The following TNRC6B variants were observed in gnomAD, a reference collection of about 807,000 sequenced individuals.
TNRC6B encodes the protein trinucleotide repeat-containing gene 6B protein.
In TNRC6B, 52 loss-of-function variants were observed where a neutral mutation model predicts 203.6. The observed-to-expected ratio is 0.26, with a 90% CI of 0.20 to 0.32. The LOEUF is 0.32. TNRC6B is among the 10% of genes least tolerant of loss of function. The pLI, the probability that TNRC6B is intolerant of heterozygous loss-of-function variation, is 1.00. For synonymous variants in TNRC6B, 838 were observed against 845.7 expected (o/e 0.99, Z 0.16); for missense variants, 1,923 against 2,286.2 (o/e 0.84, Z 3.24).
At chr22:40,126,486 A>G (rs2068494232) in intron 3 of TNRC6B, among the ~76,000 whole-genome samples, 1 of 151,418 alleles carries the variant, frequency 6.6e-6, no homozygotes, top group Non-Finnish European at 1.5e-5. Context: ...CTTATAAGTG[A>G]GAACATGCAG....
chr22:40,078,562 A>G (rs777173473), intron 1 of TNRC6B, among the ~76,000 whole-genome samples: 1 of 152,032 alleles, frequency 6.6e-6, no homozygotes, highest in Non-Finnish European at 1.5e-5. Flanking sequence ...ATTAATTACT[A>G]CTGAGAAGCA....
rs894795274 is a variant in TNRC6B at position 40,329,104 on chromosome 22, G to A, written c.*5863G>A. ...CCTGTGAGTGGACAACTAAAGCCGCGTGATGATGCGGATGAAAATATTCTG... is the reference window on the plus strand; with the variant it reads ...CCTGTGAGTGGACAACTAAAGCCGCATGATGATGCGGATGAAAATATTCTG... On this transcript the variant is annotated 3_prime_UTR_variant, in exon 23 of 23. Coordinates refer to ENST00000454349, the MANE Select transcript of TNRC6B (RefSeq NM_001162501.2). The A allele has an allele frequency of 4.6e-5, 7 of 152,256 alleles. No individual in the cohort carries two copies. The highest frequency in any genetic ancestry group is 2.1e-4 in the South Asian group (1 of 4,832). The allele number at this position is 152,256 out of a possible 1,614,324, so 9.4% of individuals were successfully genotyped here.
Position 40,106,488 on chromosome 22 carries a change from T to G in TNRC6B, c.-120-10567T>G, listed in dbSNP as rs1436072624. 4 of 745,274 alleles carry G rather than the reference T, an allele frequency of 5.4e-6. No individual in the cohort carries two copies. In the East Asian group the frequency reaches 1.0e-4, roughly 19 times the overall value. The allele number at this position is 745,274 out of a possible 1,614,324, so 46.2% of individuals were successfully genotyped here. ...GAAGCATTTTCCAACAGTATAGATCTCATGAATCAGATCCTCCAGCAGATG... is the reference window on the plus strand; with the variant it reads ...GAAGCATTTTCCAACAGTATAGATCGCATGAATCAGATCCTCCAGCAGATG... On this transcript the variant is annotated intron_variant, in intron 1 of 23. Transcript: ENST00000301923.
intron 1 of TNRC6B, among the ~76,000 whole-genome samples, chr22:40,089,557 A>T (rs1396850109): frequency 6.6e-6 from 1 of 151,936 alleles, no homozygotes; most frequent in Non-Finnish European, 1.5e-5. Context: ...TTTAATTGGC[A>T]GTTTTAGGGT....
intron 3 of TNRC6B, among the ~76,000 whole-genome samples, chr22:40,154,117 T>TG (rs2068788036): frequency 6.6e-6 from 1 of 151,986 alleles, no homozygotes. Context: ...CCGAAGTAGC[T>TG]GGGACTTACA....
intron 1 of TNRC6B, among the ~76,000 whole-genome samples, chr22:40,094,691 G>C (rs2068174262): frequency 6.6e-6 from 1 of 152,212 alleles, no homozygotes; most frequent in South Asian, 2.1e-4. Context: ...TAAACGAAAA[G>C]TGTTCTTTAG....
Position 40,215,656 on chromosome 22 carries a change from C to T in TNRC6B, c.6-30359C>T, listed in dbSNP as rs927123243. Among the ~76,000 whole-genome samples the T allele has an allele frequency of 2.6e-5, 4 of 152,222 alleles. No homozygotes were observed. The East Asian group carries it at 5.8e-4, about 22-fold the overall frequency. The stretch of plus-strand genomic sequence containing the variant: ...CATGGAAGCCTCTTCCCTTTGTTCC[C>T]CCAGCCCTGGGGCAGCTCCCACCTC... On this transcript the variant is annotated intron_variant, in intron 1 of 22. Coordinates refer to ENST00000454349, the MANE Select transcript of TNRC6B (RefSeq NM_001162501.2).
At chr22:40,218,329 T>C (rs866485848) in intron 1 of TNRC6B, among the ~76,000 whole-genome samples, 2 of 135,928 alleles carry the variant, frequency 1.5e-5, no homozygotes, top group South Asian at 2.5e-4. Flanking sequence ...CTTTTCTTTT[T>C]TTTTTTTTTT....
chr22:40,322,033 G>T (rs1256767705), intron 22 of TNRC6B, among the ~76,000 whole-genome samples: 1 of 152,142 alleles, frequency 6.6e-6, no homozygotes, highest in Non-Finnish European at 1.5e-5. Flanking sequence ...CAGACACACT[G>T]CAAGCCAGGG....
At chr22:40,259,309 C>T (rs1569041571) in intron 3 of TNRC6B, among the ~76,000 whole-genome samples, 6 of 152,088 alleles carry the variant, frequency 3.9e-5, no homozygotes. Context: ...ACTGCAACCC[C>T]CGCTTCCCAG....
At chr22:40,137,761 A>G (rs569993526) in intron 3 of TNRC6B, among the ~76,000 whole-genome samples, 2 of 152,040 alleles carry the variant, frequency 1.3e-5, no homozygotes, top group African/African-American at 4.8e-5. Flanking sequence ...AGGCGGGTGG[A>G]TTACTTGAGG....
intron 3 of TNRC6B, among the ~76,000 whole-genome samples, chr22:40,154,999 C>A (rs1383195344): frequency 6.9e-6 from 1 of 145,966 alleles, no homozygotes; most frequent in Non-Finnish European, 1.5e-5. Context: ...TGACTTGCTT[C>A]CTTCACTTGA....
At chr22:40,236,372 T>A (rs1476426672) in intron 1 of TNRC6B, among the ~76,000 whole-genome samples, 1 of 152,250 alleles carries the variant, frequency 6.6e-6, no homozygotes, top group African/African-American at 2.4e-5. Flanking sequence ...GTGGCTTTTC[T>A]CATTCAGCAT....
intron 2 of TNRC6B, among the ~76,000 whole-genome samples, chr22:40,248,460 G>C (rs1449147070): frequency 6.6e-6 from 1 of 152,226 alleles, no homozygotes; most frequent in African/African-American, 2.4e-5. Flanking sequence ...GATTTAGAGA[G>C]TATATATTCC....
At chr22:40,056,151 C>T (rs1404109324) in intron 1 of TNRC6B, among the ~76,000 whole-genome samples, 2 of 152,202 alleles carry the variant, frequency 1.3e-5, no homozygotes, top group African/African-American at 4.8e-5. Context: ...TAGCCATCTT[C>T]CATTCTATTT....
chr22:40,318,192 G>A (rs1262884622), intron 21 of TNRC6B, among the ~76,000 whole-genome samples: 1 of 152,154 alleles, frequency 6.6e-6, no homozygotes, highest in Non-Finnish European at 1.5e-5. Context: ...CCTAAATACA[G>A]TTAACATGAG....
upstream of TNRC6B, among the ~76,000 whole-genome samples, chr22:40,175,990 G>C (rs895163247): frequency 3.3e-5 from 5 of 152,194 alleles, no homozygotes; most frequent in Non-Finnish European, 7.3e-5. Flanking sequence ...GGAAAGCCGG[G>C]TTTCTAGAAT....
rs1394539889 is a variant in TNRC6B at position 40,326,843 on chromosome 22, C to T, written c.*3602C>T. On this transcript the variant is annotated 3_prime_UTR_variant, in exon 23 of 23. Coordinates refer to ENST00000454349, the MANE Select transcript of TNRC6B (RefSeq NM_001162501.2). ...TAATGAAGAATGTCTGTCTTACCTC[C>T]GTTTGTTTTGGGAGGAGGAGAAAAT... 2 of 152,536 alleles carry T rather than the reference C, an allele frequency of 1.3e-5. No homozygotes were observed. The highest frequency in any genetic ancestry group is 2.9e-5 in the Non-Finnish European group (2 of 68,030). The allele number at this position is 152,536 out of a possible 1,614,324, so 9.4% of individuals were successfully genotyped here.
At chr22:40,120,104 T>C (rs59558658) in intron 2 of TNRC6B, among the ~76,000 whole-genome samples, 1,592 of 152,250 alleles carry the variant, frequency 0.01, 21 homozygotes, top group African/African-American at 0.037. Flanking sequence ...CACACCTAAA[T>C]CCCAGCATTT....
Sources: gnomAD v4.1 joint callset for allele counts (sites outside exome capture counted in the v4.1 genomes callset) on GRCh38, gnomAD v4.1.1 for gene constraint, MANE v1.5 for transcripts, NCBI Gene and HGNC (gene_info 2026-07-23, HGNC 2026-07-21) for gene names.